The following HDAC9 variants were observed in gnomAD, a reference collection of about 807,000 sequenced individuals.
HDAC9 encodes histone deacetylase 9.
A neutral mutation model predicts 139.4 loss-of-function variants in HDAC9; 41 were observed. The observed-to-expected ratio is 0.29, with a 90% CI of 0.23 to 0.38. The LOEUF (loss-of-function observed/expected upper bound fraction) is 0.38, where lower values mean the gene tolerates loss of function less well. Ranked by LOEUF, HDAC9 falls within the 10% of genes least tolerant of loss-of-function variation. The pLI is 1.00. For missense variants in HDAC9, 1,147 were observed against 1,297.0 expected (o/e 0.88, Z 1.78); for synonymous variants, 517 against 476.2 (o/e 1.09, Z -1.12).
At chr7:18,230,320 C>T (rs1053813170) in intron 2 of HDAC9, among the ~76,000 whole-genome samples, 7 of 152,178 alleles carry the variant, frequency 4.6e-5, no homozygotes, top group African/African-American at 1.7e-4. Context: ...AAGTCAGCAA[C>T]AGCAGAGCAT....
intron 1 of HDAC9, among the ~76,000 whole-genome samples, chr7:18,393,805 T>C (rs942334876): frequency 6.6e-6 from 1 of 152,228 alleles, no homozygotes; most frequent in African/African-American, 2.4e-5. Context: ...GGCCTTCCTT[T>C]TCTTGGTTAT....
At chr7:18,804,247 C>T (rs944723981) in intron 17 of HDAC9, among the ~76,000 whole-genome samples, 2 of 152,120 alleles carry the variant, frequency 1.3e-5, no homozygotes, top group Non-Finnish European at 2.9e-5. Flanking sequence ...CAGAAGCTCT[C>T]TCAGGGTGGG....
chr7:18,621,397 G>A (rs1462536834), intron 6 of HDAC9, among the ~76,000 whole-genome samples: 1 of 151,862 alleles, frequency 6.6e-6, no homozygotes, highest in Non-Finnish European at 1.5e-5. Context: ...TATAAAATTA[G>A]CACTTTTCAA....
chr7:18,727,497 C>T, intron 12 of HDAC9, 83 bp from the exon 13 acceptor site: 2 of 1,175,302 alleles, frequency 1.7e-6, no homozygotes, highest in South Asian at 1.5e-5. Flanking sequence ...ACCTGATGAA[C>T]TTAATTTGTT....
intron 1 of HDAC9, among the ~76,000 whole-genome samples, chr7:18,317,641 C>G (rs1799748017): frequency 6.6e-6 from 1 of 152,176 alleles, no homozygotes; most frequent in Admixed American, 6.5e-5. Context: ...TGTGCCATAT[C>G]TGTGTTCTCT....
At position 18,730,269 on chromosome 7, in the gene HDAC9, A is replaced by G. The variant is rs192630123; in HGVS notation, c.1909+2512A>G. Among the ~76,000 whole-genome samples the G allele has an allele frequency of 1.2e-4, 19 of 152,328 alleles. No homozygotes were observed. The East Asian group carries it at 2.7e-3, about 22-fold the overall frequency. On this transcript the variant is annotated intron_variant, in intron 13 of 25. Coordinates refer to ENST00000686413, the MANE Select transcript of HDAC9 (RefSeq NM_178425.4). ...CACATATTGCTCTGGCTTTAATCCAATCTTAAATTTCCCCTGTAGCCTGAA... is the reference window on the plus strand; with the variant it reads ...CACATATTGCTCTGGCTTTAATCCAGTCTTAAATTTCCCCTGTAGCCTGAA...
At chr7:18,855,304 G>A (rs896025570) in intron 21 of HDAC9, among the ~76,000 whole-genome samples, 16 of 152,110 alleles carry the variant, frequency 1.1e-4, no homozygotes, top group Admixed American at 9.8e-4. Context: ...ACAGAGAAGG[G>A]AGTTGGAAAG....
At chr7:18,500,524 T>C (rs778205947) in intron 2 of HDAC9, among the ~76,000 whole-genome samples, 10 of 152,188 alleles carry the variant, frequency 6.6e-5, no homozygotes, top group Non-Finnish European at 1.5e-4. Flanking sequence ...TCTTAGAATT[T>C]TACTGGCAAG....
chr7:18,439,407 A>G (rs1791530616), intron 1 of HDAC9, among the ~76,000 whole-genome samples: 1 of 152,166 alleles, frequency 6.6e-6, no homozygotes, highest in Non-Finnish European at 1.5e-5. Context: ...AACAAATGAA[A>G]CCCTGTCTGG....
intron 8 of HDAC9, among the ~76,000 whole-genome samples, chr7:18,639,688 G>C (rs1784967814): frequency 6.6e-6 from 1 of 152,018 alleles, no homozygotes; most frequent in Non-Finnish European, 1.5e-5. Flanking sequence ...AAATGATTGA[G>C]GCTTTTCTTT....
chr7:18,996,452 C>T lies in HDAC9; in HGVS notation c.*390C>T, dbSNP rs746276593. ...TTTTGGGCAAAACCTGAGACATAGT[C>T]ATTCCTGACATTCTGATCAGCTTTT... On this transcript the variant is annotated 3_prime_UTR_variant, in exon 26 of 26. Transcript: ENST00000686413. 4.1e-4 allele frequency: 68 copies of T among 164,186 alleles called. No homozygotes were observed. Among genetic ancestry groups the T allele is most frequent in the Middle Eastern group, 2.7e-3 (1 of 376 alleles). 10.2% of individuals were successfully genotyped at this position (164,186 alleles called of 1,614,324 possible). A position where few individuals can be genotyped will look rare whatever the true frequency, so the allele number is the denominator to read the frequency against.
chr7:18,849,333 G>T (rs1446157764), intron 21 of HDAC9, among the ~76,000 whole-genome samples: 1 of 152,160 alleles, frequency 6.6e-6, no homozygotes, highest in Non-Finnish European at 1.5e-5. Flanking sequence ...GAAAGGAAGA[G>T]AAACAGAATT....
At chr7:18,115,371 A>G (rs896188650) in intron 1 of HDAC9, among the ~76,000 whole-genome samples, 10 of 152,110 alleles carry the variant, frequency 6.6e-5, no homozygotes, top group African/African-American at 2.4e-4. Context: ...CTGATCTTCT[A>G]GGCAAGTGAT....
intron 1 of HDAC9, among the ~76,000 whole-genome samples, chr7:18,404,092 T>C (rs986453479): frequency 7.2e-5 from 11 of 152,178 alleles, no homozygotes; most frequent in Admixed American, 2.6e-4. Context: ...TTGACCTTAA[T>C]CAGAAATCAA....
intron 12 of HDAC9, among the ~76,000 whole-genome samples, chr7:18,688,599 T>C (rs1352024623): frequency 1.3e-5 from 2 of 151,956 alleles, no homozygotes; most frequent in African/African-American, 4.8e-5. Flanking sequence ...ACATCCTTTT[T>C]TTCCTGTTTA....
chr7:18,413,122 G>C (rs1357975742), intron 1 of HDAC9, among the ~76,000 whole-genome samples: 1 of 152,098 alleles, frequency 6.6e-6, no homozygotes, highest in Non-Finnish European at 1.5e-5. Context: ...CAACTAAATA[G>C]GAAAGTTTTC....
At chr7:18,394,563 G>T (rs1298956141) in intron 1 of HDAC9, among the ~76,000 whole-genome samples, 2 of 152,020 alleles carry the variant, frequency 1.3e-5, no homozygotes, top group African/African-American at 4.8e-5. Flanking sequence ...GGTCCAAGGG[G>T]ACTGGGCCTG....
rs1050291821 is a variant in HDAC9, at chr7:18,819,973, A to T, written c.2323-9188A>T. On this transcript the variant is annotated intron_variant, in intron 17 of 25. Coordinates refer to ENST00000686413, the MANE Select transcript of HDAC9 (RefSeq NM_178425.4). ...TTTTTCCATGTTATTATGTAGAAAA[A>T]AATCTAAATTGTATTGCATAATATG... 6.2e-4 allele frequency among the ~76,000 whole-genome samples: 94 copies of T among 152,324 alleles called. 1 individual carries two copies. Among genetic ancestry groups the T allele is most frequent in the African/African-American group, 2.2e-3 (93 of 41,588 alleles).
At chr7:18,910,849 A>G (rs981067435) in intron 22 of HDAC9, among the ~76,000 whole-genome samples, 8 of 151,902 alleles carry the variant, frequency 5.3e-5, no homozygotes, top group Non-Finnish European at 1.2e-4. Context: ...TCATTTTGCT[A>G]GTACTTTGTT....
Sources: gnomAD v4.1 joint callset for allele counts (sites outside exome capture counted in the v4.1 genomes callset) on GRCh38, gnomAD v4.1.1 for gene constraint, MANE v1.5 for transcripts, NCBI Gene and HGNC (gene_info 2026-07-23, HGNC 2026-07-21) for gene names.